The following SAMD8 variants were observed in gnomAD, a reference collection of about 807,000 sequenced individuals.
SAMD8 encodes sterile alpha motif domain containing 8, also known as sphingomyelin synthase-related protein 1.
A neutral mutation model predicts 42.0 loss-of-function variants in SAMD8; 20 were observed. That is an observed-to-expected ratio of 0.48 (90% CI 0.34 to 0.69). The LOEUF (loss-of-function observed/expected upper bound fraction) is 0.69. Among genes scored for constraint, SAMD8 ranks in the 30% least tolerant of loss-of-function variants. SAMD8 has a pLI of 0.01. For synonymous variants in SAMD8, 162 were observed against 173.0 expected, an observed-to-expected ratio of 0.94 and a Z score of 0.50; for missense variants, 328 against 511.6, an observed-to-expected ratio of 0.64 and a Z score of 3.46.
chr10:75,150,942 C>G lies in SAMD8; in HGVS notation c.414C>G (p.Asn138Lys). 6.2e-7 allele frequency: 1 copy of G among 1,612,958 alleles called. No individual in the cohort carries two copies. The highest frequency in any genetic ancestry group is 8.5e-7 in the Non-Finnish European group (1 of 1,179,580). ...AGTACCAGTACATGAATGGTAAAAA[C>G]AAACATTCTGTTCGAAGATTGGACC... ...SDQYQYMNGK[N>K]KHSVRRLDPE... Residue 138 changes from asparagine to lysine, a missense_variant, in exon 2 of 6, where the codon AAC becomes AAG. Asn to Lys is a moderately conservative substitution (Grantham distance 94). Coordinates refer to ENST00000542569, the MANE Select transcript of SAMD8 (RefSeq NM_001174156.2).
chr10:75,139,502 CTA>C (rs1839969317), intron 1 of SAMD8, among the ~76,000 whole-genome samples: 1 of 152,092 alleles, frequency 6.6e-6, no homozygotes, highest in East Asian at 1.9e-4. Flanking sequence ...TGTTTTAAAA[CTA>C]TCTTTTCAAA....
intron 1 of SAMD8, among the ~76,000 whole-genome samples, chr10:75,106,101 CTTTT>C (rs767630456): frequency 4.9e-5 from 6 of 123,034 alleles, no homozygotes; most frequent in South Asian, 2.6e-4. Flanking sequence ...TCTTTCTTTT[CTTTT>C]TTTTTTTTTT....
At chr10:75,163,527 A>G (rs951170009) in intron 2 of SAMD8, among the ~76,000 whole-genome samples, 1 of 152,008 alleles carries the variant, frequency 6.6e-6, no homozygotes, top group African/African-American at 2.4e-5. Context: ...TCTGCCTCCC[A>G]GGCTCAAGCC....
At chr10:75,146,516 C>A (rs981683157) in intron 1 of SAMD8, among the ~76,000 whole-genome samples, 2 of 151,934 alleles carry the variant, frequency 1.3e-5, no homozygotes, top group Admixed American at 1.3e-4. Flanking sequence ...AAACTCCCAA[C>A]CTCAGGTGAT....
chr10:75,174,551 C>T (rs571325040), intron 4 of SAMD8, among the ~76,000 whole-genome samples: 110 of 151,314 alleles, frequency 7.3e-4, no homozygotes, highest in African/African-American at 2.6e-3. Flanking sequence ...TTTCCTGCCT[C>T]AGTCTCCTGA....
intron 1 of SAMD8, among the ~76,000 whole-genome samples, chr10:75,106,414 CT>C (rs923304050): frequency 4.6e-5 from 7 of 152,140 alleles, no homozygotes; most frequent in African/African-American, 1.7e-4. Flanking sequence ...ATTGTTTCCC[CT>C]GGTCTCGGTC....
intron 2 of SAMD8, among the ~76,000 whole-genome samples, chr10:75,160,527 G>T (rs1033630159): frequency 1.3e-5 from 2 of 151,858 alleles, no homozygotes; most frequent in African/African-American, 4.8e-5. Context: ...ATTATATCCA[G>T]AAAAAAGACA....
At chr10:75,133,704 G>A (rs1849323428) in intron 1 of SAMD8, among the ~76,000 whole-genome samples, 1 of 152,114 alleles carries the variant, frequency 6.6e-6, no homozygotes, top group South Asian at 2.1e-4. Context: ...AAATTAGCCA[G>A]GCACAGAAAG....
At chr10:75,170,511 A>C (rs866286347) in intron 4 of SAMD8, among the ~76,000 whole-genome samples, 3 of 152,192 alleles carry the variant, frequency 2.0e-5, no homozygotes, top group African/African-American at 7.2e-5. Context: ...TTTCATGTAA[A>C]GGAAATGTTT....
chr10:75,163,793 A>G (rs1313149469), intron 2 of SAMD8, among the ~76,000 whole-genome samples: 1 of 152,076 alleles, frequency 6.6e-6, no homozygotes, highest in African/African-American at 2.4e-5. Flanking sequence ...TCTTTCTTAA[A>G]GTGACCTGTC....
chr10:75,108,781 G>A (rs1350632912), upstream of SAMD8, among the ~76,000 whole-genome samples: 1 of 152,124 alleles, frequency 6.6e-6, no homozygotes, highest in Non-Finnish European at 1.5e-5. Context: ...TGGAACTCCT[G>A]GGAGACTCCC....
chr10:75,139,423 A>G (rs749737663), intron 1 of SAMD8, among the ~76,000 whole-genome samples: 8 of 152,238 alleles, frequency 5.3e-5, no homozygotes, highest in Non-Finnish European at 1.0e-4. Context: ...ATTTATAATA[A>G]TAATAAAATA....
At chr10:75,120,866 C>T (rs545230800) in intron 1 of SAMD8, among the ~76,000 whole-genome samples, 2 of 147,740 alleles carry the variant, frequency 1.4e-5, no homozygotes, top group East Asian at 2.1e-4. Flanking sequence ...CTGCAGCCTC[C>T]GCCTCCCAGG....
chr10:75,133,263 C>T (rs1358903374), intron 1 of SAMD8, among the ~76,000 whole-genome samples: 1 of 151,846 alleles, frequency 6.6e-6, no homozygotes, highest in African/African-American at 2.4e-5. Flanking sequence ...ATTAGCTAGG[C>T]GTGGTGGTGC....
chr10:75,109,338 A>C, upstream of SAMD8: 1 of 548,956 alleles, frequency 1.8e-6, no homozygotes, highest in Non-Finnish European at 3.0e-6. Context: ...CCCAAACTCC[A>C]TGAGAACACA....
chr10:75,172,200 CAT>C (rs1840884049), intron 4 of SAMD8, among the ~76,000 whole-genome samples: 2 of 151,978 alleles, frequency 1.3e-5, no homozygotes, highest in African/African-American at 2.4e-5. Context: ...TTATATTTTA[CAT>C]GTTTAATTTA....
Position 75,150,967 on chromosome 10 carries a change from C to T in SAMD8, c.439C>T (p.Pro147Ser). 6.2e-6 allele frequency: 10 copies of T among 1,612,962 alleles called. No homozygotes were observed. The highest frequency in any genetic ancestry group is 8.5e-6 in the Non-Finnish European group (10 of 1,179,662). ...KNKHSVRRLD[P>S]EYWKTILSCI... ...CAAACATTCTGTTCGAAGATTGGAC[C>T]CAGAATACTGGAAGACTATACTGAG... Residue 147 changes from proline to serine, a missense_variant, in exon 2 of 6, where the codon CCA (proline) becomes TCA (serine). Pro to Ser is a moderately conservative substitution (Grantham distance 74). Coordinates refer to ENST00000542569, the MANE Select transcript of SAMD8 (RefSeq NM_001174156.2).
At chr10:75,101,319 T>C (rs1334058777) in intron 1 of SAMD8, among the ~76,000 whole-genome samples, 1 of 152,196 alleles carries the variant, frequency 6.6e-6, no homozygotes. Flanking sequence ...TGTCTTATGG[T>C]AGATGCCCAA....
At chr10:75,123,877 TCCA>T (rs1392480581) in intron 1 of SAMD8, among the ~76,000 whole-genome samples, 5 of 151,770 alleles carry the variant, frequency 3.3e-5, no homozygotes, top group Non-Finnish European at 7.4e-5. Context: ...ACAGGCACAC[TCCA>T]CCGCGCCCAG....
Sources: allele counts gnomAD v4.1 joint callset (sites outside exome capture counted in the v4.1 genomes callset), GRCh38; gene constraint gnomAD v4.1.1; transcripts MANE v1.5; gene names NCBI Gene and HGNC (gene_info 2026-07-23, HGNC 2026-07-21).